The following TFEC variants were observed in gnomAD, a reference collection of about 807,000 sequenced individuals.
The protein encoded by TFEC is transcription factor EC, also known as class E basic helix-loop-helix protein 34.
TFEC carries 31 observed loss-of-function variants against 41.6 expected under a neutral mutation model. The observed-to-expected ratio is 0.74, with a 90% CI of 0.56 to 1.01. TFEC has a LOEUF of 1.01. Ranked by LOEUF, TFEC falls within the 50% of genes least tolerant of loss-of-function variation. The probability of loss-of-function intolerance (pLI) is 0.00; values close to 1 mark genes in which losing one functional copy is unlikely to be tolerated. For synonymous variants in TFEC, 143 were observed against 140.6 expected (o/e 1.02, Z -0.12); for missense variants, 402 against 404.1 (o/e 0.99, Z 0.04).
chr7:115,990,989 A>G (rs1217573772), intron 1 of TFEC, among the ~76,000 whole-genome samples: 2 of 152,208 alleles, frequency 1.3e-5, no homozygotes, highest in Non-Finnish European at 2.9e-5. Context: ...GAGAAAGGTC[A>G]GGTTACCCAC....
At chr7:116,101,788 C>G (rs911809171) in intron 3 of TFEC, among the ~76,000 whole-genome samples, 1 of 152,150 alleles carries the variant, frequency 6.6e-6, no homozygotes, top group African/African-American at 2.4e-5. Context: ...ATTATTGATA[C>G]ATTTTTATGT....
chr7:116,017,288 C>A (rs764343363), intron 1 of TFEC, among the ~76,000 whole-genome samples: 31 of 152,196 alleles, frequency 2.0e-4, no homozygotes, highest in Non-Finnish European at 3.5e-4. Context: ...GTGGCACGAT[C>A]TCCACTCACT....
chr7:116,151,018 C>T (rs1040498482), intron 1 of TFEC, among the ~76,000 whole-genome samples: 1 of 152,028 alleles, frequency 6.6e-6, no homozygotes, highest in Admixed American at 6.5e-5. Context: ...ATAATTTTAT[C>T]CAAACCACAG....
At chr7:116,028,813 C>T (rs1795681195) in intron 1 of TFEC, among the ~76,000 whole-genome samples, 1 of 152,182 alleles carries the variant, frequency 6.6e-6, no homozygotes, top group South Asian at 2.1e-4. Context: ...TTATATTTCA[C>T]TAGTTTATCT....
intron 1 of TFEC, among the ~76,000 whole-genome samples, chr7:116,121,014 T>C (rs1798097793): frequency 6.6e-6 from 1 of 151,968 alleles, no homozygotes; most frequent in Admixed American, 6.6e-5. Flanking sequence ...AGTTAGAGTA[T>C]TGCCATGTGA....
intron 1 of TFEC, among the ~76,000 whole-genome samples, chr7:116,118,147 T>G (rs1798031496): frequency 6.6e-6 from 1 of 151,810 alleles, no homozygotes; most frequent in African/African-American, 2.4e-5. Flanking sequence ...CTGAAGCAAT[T>G]TTTTCAGTGA....
At chr7:116,085,903 C>G (rs1797193266) in intron 3 of TFEC, among the ~76,000 whole-genome samples, 1 of 151,788 alleles carries the variant, frequency 6.6e-6, no homozygotes, top group Non-Finnish European at 1.5e-5. Flanking sequence ...TAAATGTATC[C>G]TTTTAACCTC....
chr7:116,002,721 C>G (rs1319215265), intron 1 of TFEC, among the ~76,000 whole-genome samples: 2 of 151,536 alleles, frequency 1.3e-5, no homozygotes, highest in Non-Finnish European at 2.9e-5. Flanking sequence ...TGATAGATAC[C>G]CAATTTACCC....
intron 1 of TFEC, among the ~76,000 whole-genome samples, chr7:116,017,700 T>C (rs1562935743): frequency 6.6e-6 from 1 of 152,142 alleles, no homozygotes; most frequent in East Asian, 1.9e-4. Context: ...TATCCCCCAA[T>C]ACAGCTTCCA....
chr7:116,112,795 C>T (rs559054757), intron 1 of TFEC, among the ~76,000 whole-genome samples: 5 of 152,000 alleles, frequency 3.3e-5, no homozygotes, highest in African/African-American at 1.2e-4. Flanking sequence ...ATCAGCAAAC[C>T]AATCTAAAGA....
intron 3 of TFEC, among the ~76,000 whole-genome samples, chr7:116,107,125 T>G (rs879386104): frequency 3.3e-5 from 5 of 152,176 alleles, no homozygotes; most frequent in Non-Finnish European, 5.9e-5. Context: ...GGGTGTTAAA[T>G]GGTGAAGACT....
intron 2 of TFEC, among the ~76,000 whole-genome samples, chr7:115,980,879 C>G (rs556058755): frequency 4.7e-4 from 72 of 151,920 alleles, no homozygotes; most frequent in Non-Finnish European, 8.8e-4. Context: ...AATGAATACT[C>G]TCTTATTTTT....
At chr7:115,983,267 T>A (rs956764041) in intron 2 of TFEC, among the ~76,000 whole-genome samples, 4 of 152,152 alleles carry the variant, frequency 2.6e-5, no homozygotes, top group Admixed American at 2.0e-4. Flanking sequence ...CCTTTTTTTA[T>A]TGTTTTATTT....
At chr7:116,108,018 G>A (rs2116050664) in intron 3 of TFEC, among the ~76,000 whole-genome samples, 1 of 152,186 alleles carries the variant, frequency 6.6e-6, no homozygotes, top group Non-Finnish European at 1.5e-5. Flanking sequence ...AGGACTCAAA[G>A]AAAACAAAGA....
At chr7:116,034,360 A>G (rs1287044963), upstream of TFEC, among the ~76,000 whole-genome samples, 1 of 151,112 alleles carries the variant, frequency 6.6e-6, no homozygotes, top group East Asian at 1.9e-4. Context: ...CCAACAACCT[A>G]CTCTATGTTT....
chr7:116,139,708 C>T (rs1310301689), intron 1 of TFEC, among the ~76,000 whole-genome samples: 5 of 152,022 alleles, frequency 3.3e-5, no homozygotes, highest in Admixed American at 3.3e-4. Flanking sequence ...ATATTTGTGT[C>T]CTGGAGAAGA....
At chr7:116,052,554 G>A (rs975594149) in intron 3 of TFEC, among the ~76,000 whole-genome samples, 1 of 151,784 alleles carries the variant, frequency 6.6e-6, no homozygotes, top group Non-Finnish European at 1.5e-5. Flanking sequence ...TCAGACTCCC[G>A]AGTAGCTAGG....
chr7:116,049,950 T>C (rs1053782619), intron 3 of TFEC, among the ~76,000 whole-genome samples: 4 of 152,090 alleles, frequency 2.6e-5, no homozygotes, highest in African/African-American at 9.7e-5. Context: ...AGACACAACA[T>C]ACCAGAATCT....
chr7:116,048,411 C>T (rs988494990), intron 3 of TFEC, among the ~76,000 whole-genome samples: 14 of 152,068 alleles, frequency 9.2e-5, no homozygotes, highest in Admixed American at 8.5e-4. Context: ...TGAAATGAAG[C>T]AACAAGAGAA....
Sources: gnomAD v4.1 joint callset for allele counts (sites outside exome capture counted in the v4.1 genomes callset) on GRCh38, gnomAD v4.1.1 for gene constraint, MANE v1.5 for transcripts, NCBI Gene and HGNC (gene_info 2026-07-23, HGNC 2026-07-21) for gene names.